The following CLSTN1 variants were observed in gnomAD, a reference collection of about 807,000 sequenced individuals.
CLSTN1 encodes the protein calsyntenin 1.
In CLSTN1, 28 loss-of-function variants were observed where a neutral mutation model predicts 108.3. The observed-to-expected ratio is 0.26, with a 90% CI of 0.19 to 0.35. The LOEUF is 0.35. CLSTN1 is among the 10% of genes least tolerant of loss of function. The pLI, the probability that CLSTN1 is intolerant of heterozygous loss-of-function variation, is 1.00. For missense variants in CLSTN1, 1,157 were observed against 1,302.6 expected, an observed-to-expected ratio of 0.89 and a Z score of 1.72; for synonymous variants, 524 against 534.9, an observed-to-expected ratio of 0.98 and a Z score of 0.28.
At chr1:9,803,521 G>A (rs943655475) in intron 1 of CLSTN1, among the ~76,000 whole-genome samples, 3 of 152,184 alleles carry the variant, frequency 2.0e-5, no homozygotes, top group East Asian at 1.9e-4. Context: ...AATGTTTTAC[G>A]GCCGGGCGCA....
intron 2 of CLSTN1, among the ~76,000 whole-genome samples, chr1:9,763,381 G>A (rs914816323): frequency 6.6e-6 from 1 of 152,162 alleles, no homozygotes. Context: ...GGTCTGTGAC[G>A]CTTGTTAAAA....
intron 5 of CLSTN1, 123 bp from the exon 6 acceptor site, chr1:9,750,036 A>G (rs1651479215): frequency 1.3e-6 from 1 of 767,122 alleles, no homozygotes; most frequent in Non-Finnish European, 2.1e-6. Context: ...AGAAATAAAC[A>G]TATGCTTGGG....
chr1:9,735,742 C>A, intron 12 of CLSTN1, 127 bp from the exon 13 acceptor site: 1 of 1,500,632 alleles, frequency 6.7e-7, no homozygotes, highest in South Asian at 1.2e-5. Flanking sequence ...AAAAGAAAAG[C>A]TCGTTTAAGT....
At chr1:9,799,855 C>A (rs1654176479) in intron 1 of CLSTN1, among the ~76,000 whole-genome samples, 1 of 148,674 alleles carries the variant, frequency 6.7e-6, no homozygotes, top group African/African-American at 2.5e-5. Flanking sequence ...ACAGGAGAAT[C>A]ATTTGAACCC....
At chr1:9,769,215 T>TCC (rs900686012) in intron 2 of CLSTN1, among the ~76,000 whole-genome samples, 37 of 150,616 alleles carry the variant, frequency 2.5e-4, no homozygotes, top group African/African-American at 8.6e-4. Context: ...AGGTGCTCCC[T>TCC]CCCCCCCATG....
At chr1:9,741,592 G>A (rs760741499) in intron 9 of CLSTN1, among the ~76,000 whole-genome samples, 23 of 152,144 alleles carry the variant, frequency 1.5e-4, no homozygotes, top group Non-Finnish European at 3.1e-4. Context: ...TTTACCACTG[G>A]CCATTCCTTT....
chr1:9,803,021 G>A (rs571110792), intron 1 of CLSTN1, among the ~76,000 whole-genome samples: 2 of 151,888 alleles, frequency 1.3e-5, no homozygotes, highest in South Asian at 2.1e-4. Flanking sequence ...ACAAGGTTTC[G>A]CTATGTTGTC....
chr1:9,823,800 G>A lies in CLSTN1; in HGVS notation c.-67C>T, dbSNP rs1045992442. 2.5e-6 allele frequency: 2 copies of A among 813,794 alleles called. No homozygotes were observed. The highest frequency in any genetic ancestry group is 1.9e-5 in the African/African-American group (1 of 53,720). 50.4% of individuals were successfully genotyped at this position (813,794 alleles called of 1,614,324 possible). A position where few individuals can be genotyped will look rare whatever the true frequency, so the allele number is the denominator to read the frequency against. ...CCGAGCGGAGCTCTCGGAGCTCTCG[G>A]GGCTCTAGGGGCCTGGGGCTAGCTG... On this transcript the variant is annotated 5_prime_UTR_variant, in exon 1 of 19. Transcript: ENST00000377298. The surrounding 1 kb of genome is among the most constrained non-coding windows in gnomAD (Gnocchi z 6.3).
chr1:9,744,107 A>G (rs1340088433), intron 8 of CLSTN1, 102 bp from the exon 9 acceptor site: 1 of 1,487,578 alleles, frequency 6.7e-7, no homozygotes, highest in African/African-American at 1.4e-5. Flanking sequence ...TCATCTGCAT[A>G]AATGAACTCT....
At chr1:9,755,486 G>C (rs941172577) in intron 3 of CLSTN1, among the ~76,000 whole-genome samples, 177 bp from the exon 4 acceptor site, 1 of 152,102 alleles carries the variant, frequency 6.6e-6, no homozygotes, top group Non-Finnish European at 1.5e-5. Context: ...GGAAGTTCTC[G>C]GGCTTTAGTA....
Position 9,761,927 on chromosome 1 carries a change from A to G in CLSTN1, c.215-5417T>C, listed in dbSNP as rs78904314. On this transcript the variant is annotated intron_variant, in intron 2 of 18. Transcript: ENST00000377298. ...AACTGACTGTAGGCCAGAGAAAGGGACTTGGAAACAGGTGGAAGCCAAGGC... is the reference window on the plus strand; with the variant it reads ...AACTGACTGTAGGCCAGAGAAAGGGGCTTGGAAACAGGTGGAAGCCAAGGC... Among the ~76,000 whole-genome samples, 932 of 152,310 alleles carry G rather than the reference A, an allele frequency of 6.1e-3. 16 individuals are homozygous for G. The highest frequency in any genetic ancestry group is 0.022 in the African/African-American group (900 of 41,566).
At chr1:9,801,705 C>G (rs1654278194) in intron 1 of CLSTN1, among the ~76,000 whole-genome samples, 1 of 152,174 alleles carries the variant, frequency 6.6e-6, no homozygotes, top group Non-Finnish European at 1.5e-5. Flanking sequence ...CAGGCATGCA[C>G]CACCATGCCC....
chr1:9,798,088 A>T lies in CLSTN1; in HGVS notation c.92-24694T>A, dbSNP rs898250590. 3.5e-5 allele frequency among the ~76,000 whole-genome samples: 5 copies of T among 141,226 alleles called. No homozygotes were observed. The Admixed American group carries it at 3.7e-4, about 10-fold the overall frequency. 92.6% of individuals were successfully genotyped at this position (141,226 alleles called of 152,430 possible). On this transcript the variant is annotated intron_variant, in intron 1 of 18. Transcript: ENST00000377298. ...CAGCCTGGGCAACAGAGGGAGCGAG[A>T]CTCTGTCAACAAAGAAAGAGAGAGG...
intron 1 of CLSTN1, 41 bp from the exon 2 acceptor site, chr1:9,773,435 ATAT>A (rs1479573899): frequency 6.5e-7 from 1 of 1,549,450 alleles, no homozygotes; most frequent in Non-Finnish European, 8.7e-7. Context: ...AAGGTTAGAA[ATAT>A]TATTTTCAAC....
At chr1:9,767,596 G>A (rs1039663290) in intron 2 of CLSTN1, among the ~76,000 whole-genome samples, 4 of 149,256 alleles carry the variant, frequency 2.7e-5, no homozygotes, top group African/African-American at 7.4e-5. Flanking sequence ...AACCCACACC[G>A]GGCCCTCAGA....
At chr1:9,761,437 G>A (rs1652065202) in intron 2 of CLSTN1, among the ~76,000 whole-genome samples, 1 of 152,152 alleles carries the variant, frequency 6.6e-6, no homozygotes, top group Non-Finnish European at 1.5e-5. Flanking sequence ...AGCCTGTAGT[G>A]AGCCATTATC....
At chr1:9,818,225 G>A (rs761026178) in intron 1 of CLSTN1, among the ~76,000 whole-genome samples, 4 of 151,422 alleles carry the variant, frequency 2.6e-5, no homozygotes, top group Admixed American at 6.6e-5. Flanking sequence ...GCACAGGCTG[G>A]TCTCGAACTC....
At chr1:9,742,020 C>A (rs547759665) in intron 9 of CLSTN1, among the ~76,000 whole-genome samples, 2 of 152,334 alleles carry the variant, frequency 1.3e-5, no homozygotes, top group South Asian at 4.1e-4. Flanking sequence ...ATATGAACAT[C>A]AGCTCCAAGG....
chr1:9,791,785 C>T (rs945347118), intron 1 of CLSTN1, among the ~76,000 whole-genome samples: 9 of 149,986 alleles, frequency 6.0e-5, no homozygotes, highest in Admixed American at 2.7e-4. Context: ...CCGCCTGCCT[C>T]GGCCTCCCAA....
Sources: gnomAD v4.1 joint callset for allele counts (sites outside exome capture counted in the v4.1 genomes callset) on GRCh38, gnomAD v4.1.1 for gene constraint, Gnocchi (gnomAD v3.1) non-coding constraint, MANE v1.5 for transcripts, NCBI Gene and HGNC (gene_info 2026-07-23, HGNC 2026-07-21) for gene names.